The following TTC7B variants were observed in gnomAD, a reference collection of about 807,000 sequenced individuals.
TTC7B encodes tetratricopeptide repeat protein 7B.
Under a neutral mutation model 106.8 loss-of-function variants are expected in TTC7B, and 28 were observed. The ratio of observed to expected loss-of-function variants is 0.26; its 90% CI spans 0.19 to 0.36. The LOEUF (loss-of-function observed/expected upper bound fraction) is 0.36, where lower values mean the gene tolerates loss of function less well. Among genes scored for constraint, TTC7B ranks in the 10% least tolerant of loss-of-function variants. TTC7B has a pLI of 1.00. For missense variants in TTC7B, 862 were observed against 1,076.4 expected (o/e 0.80, Z 2.79); for synonymous variants, 405 against 430.6 (o/e 0.94, Z 0.74).
intron 1 of TTC7B, among the ~76,000 whole-genome samples, chr14:90,794,384 A>G (rs142387352): frequency 0.044 from 6,408 of 147,108 alleles, 187 homozygotes; most frequent in Non-Finnish European, 0.058. Flanking sequence ...CTGCCACCAC[A>G]CCCGGCTAAT....
chr14:90,622,643 T>C lies in TTC7B; in HGVS notation c.1752-4598A>G, dbSNP rs191881101. Among the ~76,000 whole-genome samples, 21 of 152,138 alleles carry C rather than the reference T, an allele frequency of 1.4e-4. No individual in the cohort carries two copies. In the East Asian group the frequency reaches 3.9e-3, roughly 28 times the overall value. ...TACTCGGGAGGCTGAGGTGGAAGGA[T>C]TGCTTGAGTCCTAGAGGTCAAGGCT... is the stretch of plus-strand genomic sequence containing the variant. On this transcript the variant is annotated intron_variant, in intron 15 of 19. Coordinates refer to ENST00000328459, the MANE Select transcript of TTC7B (RefSeq NM_001010854.2).
chr14:90,677,289 G>A (rs1468169372), intron 8 of TTC7B, among the ~76,000 whole-genome samples: 3 of 152,200 alleles, frequency 2.0e-5, no homozygotes, highest in African/African-American at 4.8e-5. Context: ...GAAGAAAGCA[G>A]ATTTTTACTT....
At chr14:90,694,677 A>ATTTTT (rs1312321683) in intron 6 of TTC7B, among the ~76,000 whole-genome samples, 1 of 97,786 alleles carries the variant, frequency 1.0e-5, no homozygotes, top group African/African-American at 3.7e-5. Context: ...ATATATGTAT[A>ATTTTT]TTTTTATTTT....
At chr14:90,723,843 A>G (rs1281189652) in intron 5 of TTC7B, among the ~76,000 whole-genome samples, 1 of 152,194 alleles carries the variant, frequency 6.6e-6, no homozygotes, top group African/African-American at 2.4e-5. Flanking sequence ...TATGTCTCTT[A>G]TATTGGCCAA....
intron 1 of TTC7B, among the ~76,000 whole-genome samples, chr14:90,809,548 C>A (rs2030784824): frequency 6.6e-6 from 1 of 152,254 alleles, no homozygotes; most frequent in African/African-American, 2.4e-5. Flanking sequence ...ACTCACAAGA[C>A]CCCACCAACC....
At chr14:90,621,369 G>A (rs567122031) in intron 15 of TTC7B, among the ~76,000 whole-genome samples, 3 of 152,190 alleles carry the variant, frequency 2.0e-5, no homozygotes, top group Non-Finnish European at 4.4e-5. Flanking sequence ...ATGGGCAGAG[G>A]CCACGCGGGT....
chr14:90,652,880 T>G lies in TTC7B; in HGVS notation c.1478A>C (p.Gln493Pro). Residue 493 changes from glutamine (Q) to proline (P), a missense_variant, in exon 13 of 20, where the codon CAG becomes CCG. Gln to Pro is a moderately conservative substitution (Grantham distance 76, BLOSUM62 -1). Coordinates refer to ENST00000328459, the MANE Select transcript of TTC7B (RefSeq NM_001010854.2). ...AAGCGCCTTTCTCTGTAGGACCTCC[T>G]GCATCCCTCGCAAAGAAGCTAAGAA... ...QATDASLRGM[Q>P]EVLQRKALLA... 1 of 1,614,250 alleles carries G rather than the reference T, an allele frequency of 6.2e-7. No homozygotes were observed. The highest frequency in any genetic ancestry group is 8.5e-7 in the Non-Finnish European group (1 of 1,180,036).
In TTC7B at chr14:90,606,924, G is replaced by A. The variant is rs7152015; in HGVS notation, c.1966+3818C>T. 3.4e-3 allele frequency among the ~76,000 whole-genome samples: 512 copies of A among 152,184 alleles called. 6 individuals are homozygous for A. Among genetic ancestry groups the A allele is most frequent in the African/African-American group, 0.012 (495 of 41,510 alleles). ...TGAGGCTGCACTGTATAAGGACCCAGGATATATAATAATAGTATTGTAGTT... is the reference window on the plus strand; with the variant it reads ...TGAGGCTGCACTGTATAAGGACCCAAGATATATAATAATAGTATTGTAGTT... On this transcript the variant is annotated intron_variant, in intron 17 of 19. Transcript: ENST00000328459.
chr14:90,744,662 T>C (rs908602268), intron 4 of TTC7B, 130 bp downstream of exon 4: 4 of 979,598 alleles, frequency 4.1e-6, no homozygotes, highest in Non-Finnish European at 6.1e-6. Flanking sequence ...TCCTTAGCTT[T>C]AAGGAGTACA....
At chr14:90,591,726 C>T (rs1891967445) in intron 18 of TTC7B, among the ~76,000 whole-genome samples, 1 of 152,238 alleles carries the variant, frequency 6.6e-6, no homozygotes, top group South Asian at 2.1e-4. Flanking sequence ...TCAGGTTTAC[C>T]TGGCCTGGAC....
chr14:90,573,284 A>G (rs2139798366), intron 19 of TTC7B, among the ~76,000 whole-genome samples: 1 of 152,134 alleles, frequency 6.6e-6, no homozygotes, highest in South Asian at 2.1e-4. Context: ...CTCCTTCCCC[A>G]CTGCAGGGTG....
intron 15 of TTC7B, among the ~76,000 whole-genome samples, chr14:90,640,151 C>T (rs1275452073): frequency 1.3e-5 from 2 of 152,102 alleles, no homozygotes; most frequent in East Asian, 1.9e-4. Flanking sequence ...TGGTGGCACA[C>T]GCCTGTGCTC....
rs67377303 is a variant in TTC7B, at chr14:90,624,109, T to C, written c.1752-6064A>G. ...GCGTGTATATGTGTGCATGTGTGTG[T>C]GCGCGTGCGCGTGTGTGTGTTTTGT... On this transcript the variant is annotated intron_variant, in intron 15 of 19. Coordinates refer to ENST00000328459, the MANE Select transcript of TTC7B (RefSeq NM_001010854.2). The surrounding 1 kb of genome is among the most constrained non-coding windows in gnomAD (Gnocchi z 4.0). Among the ~76,000 whole-genome samples, 28,376 of 151,508 alleles carry C rather than the reference T, an allele frequency of 0.19. 3,596 individuals carry two copies. Among genetic ancestry groups the C allele is most frequent in the African/African-American group, 0.37 (15,225 of 41,432 alleles).
intron 1 of TTC7B, among the ~76,000 whole-genome samples, chr14:90,811,430 C>T (rs1197583478): frequency 6.6e-6 from 1 of 152,188 alleles, no homozygotes; most frequent in Admixed American, 6.5e-5. Flanking sequence ...AACCTCAGTC[C>T]TGTTTCCAGA....
chr14:90,661,337 G>C (rs1218322178), intron 9 of TTC7B, among the ~76,000 whole-genome samples: 1 of 152,222 alleles, frequency 6.6e-6, no homozygotes, highest in South Asian at 2.1e-4. Flanking sequence ...ACTGAGGAAG[G>C]TGTCACTGTG....
At chr14:90,726,521 C>T (rs1889109440) in intron 5 of TTC7B, among the ~76,000 whole-genome samples, 1 of 152,204 alleles carries the variant, frequency 6.6e-6, no homozygotes, top group Admixed American at 6.5e-5. Flanking sequence ...AGCCAGGCGT[C>T]GTCACCATTG....
At chr14:90,626,988 C>T (rs1482011090) in intron 15 of TTC7B, among the ~76,000 whole-genome samples, 1 of 152,026 alleles carries the variant, frequency 6.6e-6, no homozygotes, top group Non-Finnish European at 1.5e-5. Flanking sequence ...TTTTATTTAT[C>T]TTGTTTTGTT....
intron 3 of TTC7B, among the ~76,000 whole-genome samples, chr14:90,749,029 T>C (rs950883490): frequency 6.6e-6 from 1 of 152,230 alleles, no homozygotes; most frequent in African/African-American, 2.4e-5. Context: ...GTTTGCTTTT[T>C]TCCCCCTCCA....
intron 9 of TTC7B, among the ~76,000 whole-genome samples, chr14:90,671,836 C>T (rs1222745906): frequency 1.3e-5 from 2 of 152,232 alleles, no homozygotes; most frequent in African/African-American, 4.8e-5. Flanking sequence ...GTGGTGCACA[C>T]AGAGGCGGCC....
Sources: gnomAD v4.1 joint callset for allele counts (sites outside exome capture counted in the v4.1 genomes callset) on GRCh38, gnomAD v4.1.1 for gene constraint, Gnocchi (gnomAD v3.1) non-coding constraint, MANE v1.5 for transcripts, NCBI Gene and HGNC (gene_info 2026-07-23, HGNC 2026-07-21) for gene names.